HSD17B12: variants seen among roughly 807,000 people sequenced by gnomAD.
The protein encoded by HSD17B12 is hydroxysteroid 17-beta dehydrogenase 12.
In HSD17B12, 32 loss-of-function variants were observed where a neutral mutation model predicts 39.3. The ratio of observed to expected loss-of-function variants is 0.81; its 90% CI spans 0.61 to 1.09. HSD17B12 has a LOEUF of 1.09. Among genes scored for constraint, HSD17B12 ranks in the 50% least tolerant of loss-of-function variants. The probability of loss-of-function intolerance (pLI) is 0.00; values close to 1 mark genes in which losing one functional copy is unlikely to be tolerated. For missense variants in HSD17B12, 342 were observed against 382.9 expected, an observed-to-expected ratio of 0.89 and a Z score of 0.89; for synonymous variants, 150 against 146.7, an observed-to-expected ratio of 1.02 and a Z score of -0.16.
the HSD17B12 span, among the ~76,000 whole-genome samples, chr11:43,571,662 C>A: frequency 2.0e-5 from 3 of 152,070 alleles, no homozygotes; most frequent in African/African-American, 4.8e-5. Context: ...ATGTTACTTT[C>A]AGGTGAATAG....
chr11:43,746,430 G>A (rs192372221), intron 1 of HSD17B12, among the ~76,000 whole-genome samples: 1 of 151,980 alleles, frequency 6.6e-6, no homozygotes, highest in Non-Finnish European at 1.5e-5. Context: ...ACTGGCCTGG[G>A]CCTACACCAG....
At chr11:43,666,706 A>C in the HSD17B12 span, among the ~76,000 whole-genome samples, 1 of 152,250 alleles carries the variant, frequency 6.6e-6, no homozygotes, top group Non-Finnish European at 1.5e-5. Flanking sequence ...TAATAGAAGG[A>C]GGCTAGAGAC....
intron 4 of HSD17B12, among the ~76,000 whole-genome samples, chr11:43,810,694 T>C (rs2135069376): frequency 6.6e-6 from 1 of 152,192 alleles, no homozygotes; most frequent in Non-Finnish European, 1.5e-5. Flanking sequence ...CAGAAACCAA[T>C]GGGAAAGATT....
the HSD17B12 span, among the ~76,000 whole-genome samples, chr11:43,667,028 C>T: frequency 1.3e-5 from 2 of 152,242 alleles, no homozygotes; most frequent in African/African-American, 2.4e-5. Context: ...AACAAAGCCA[C>T]AGCTTCCATA....
the HSD17B12 span, among the ~76,000 whole-genome samples, chr11:43,672,801 A>C: frequency 6.6e-6 from 1 of 152,196 alleles, no homozygotes; most frequent in Non-Finnish European, 1.5e-5. Flanking sequence ...TCGGCCTCCC[A>C]AAGTGCTAGG....
chr11:43,663,113 G>C, the HSD17B12 span, among the ~76,000 whole-genome samples: 1 of 152,026 alleles, frequency 6.6e-6, no homozygotes. Context: ...ACAGAGTCTC[G>C]ATCTGCCTGC....
At chr11:43,596,325 A>G in the HSD17B12 span, among the ~76,000 whole-genome samples, 2 of 152,192 alleles carry the variant, frequency 1.3e-5, no homozygotes, top group African/African-American at 4.8e-5. Context: ...CTCACTCCAG[A>G]GATGGGTATT....
At chr11:43,632,128 G>A in the HSD17B12 span, among the ~76,000 whole-genome samples, 1 of 152,192 alleles carries the variant, frequency 6.6e-6, no homozygotes, top group African/African-American at 2.4e-5. Context: ...CCTGGTTTAC[G>A]ATTTAGGAGT....
intron 1 of HSD17B12, among the ~76,000 whole-genome samples, chr11:43,747,108 C>G (rs1039670017): frequency 6.6e-6 from 1 of 152,182 alleles, no homozygotes; most frequent in Non-Finnish European, 1.5e-5. Context: ...CTGTCCAAGT[C>G]TTGCGTGTTT....
At chr11:43,686,598 T>G (rs1206735775) in intron 1 of HSD17B12, among the ~76,000 whole-genome samples, 1 of 149,984 alleles carries the variant, frequency 6.7e-6, no homozygotes, top group Non-Finnish European at 1.5e-5. Flanking sequence ...CCACCCTGTT[T>G]TTTTTTTTTT....
intron 1 of HSD17B12, among the ~76,000 whole-genome samples, chr11:43,741,917 G>A (rs1590710577): frequency 6.7e-6 from 1 of 148,936 alleles, no homozygotes; most frequent in African/African-American, 2.5e-5. Flanking sequence ...TGTGTTTTTA[G>A]TAGAGACAGG....
At chr11:43,599,408 C>T in the HSD17B12 span, among the ~76,000 whole-genome samples, 3 of 152,120 alleles carry the variant, frequency 2.0e-5, no homozygotes, top group Non-Finnish European at 4.4e-5. Context: ...ATCCATGATT[C>T]TTTATTTCTT....
the HSD17B12 span, among the ~76,000 whole-genome samples, chr11:43,615,609 A>G: frequency 0.049 from 7,506 of 152,212 alleles, 318 homozygotes; most frequent in South Asian, 0.11. Context: ...CAGAAATGTC[A>G]AGGTGATTAT....
At position 43,821,404 on chromosome 11, in the gene HSD17B12, C is replaced by T. The variant is rs578041445; in HGVS notation, c.501+5013C>T. ...ATATGGCAGGTAGATCAGTCTCAAACTGTAAGAGAAGTCCTACCAGACAGA... is the reference window on the plus strand; with the variant it reads ...ATATGGCAGGTAGATCAGTCTCAAATTGTAAGAGAAGTCCTACCAGACAGA... On this transcript the variant is annotated intron_variant, in intron 6 of 10. Transcript: ENST00000278353. Among the ~76,000 whole-genome samples, 4 of 152,260 alleles carry T rather than the reference C, an allele frequency of 2.6e-5. No homozygotes were observed. In the East Asian group the frequency reaches 7.7e-4, roughly 29 times the overall value.
chr11:43,783,779 G>C (rs182274040), intron 3 of HSD17B12, among the ~76,000 whole-genome samples: 6 of 151,780 alleles, frequency 4.0e-5, no homozygotes, highest in African/African-American at 1.2e-4. Flanking sequence ...GTTTACATAG[G>C]ATACCACTAT....
chr11:43,635,885 G>A, the HSD17B12 span, among the ~76,000 whole-genome samples: 1 of 152,140 alleles, frequency 6.6e-6, no homozygotes. Context: ...GATAGCATTT[G>A]TTTATCACAA....
chr11:43,642,396 C>T, the HSD17B12 span, among the ~76,000 whole-genome samples: 4 of 151,478 alleles, frequency 2.6e-5, no homozygotes, highest in East Asian at 1.9e-4. Flanking sequence ...GTAATTTTTA[C>T]GTAAAGCCCT....
chr11:43,674,499 G>A, the HSD17B12 span, among the ~76,000 whole-genome samples: 6 of 152,138 alleles, frequency 3.9e-5, no homozygotes, highest in African/African-American at 1.4e-4. Context: ...TTTAAATAAC[G>A]ATTATTCTAT....
chr11:43,619,394 C>CT, the HSD17B12 span, among the ~76,000 whole-genome samples: 49,570 of 133,962 alleles, frequency 0.37, 10,397 homozygotes, highest in East Asian at 0.74. Context: ...TTTTTCTTTT[C>CT]TTTTTTTTTT....
Sources: allele counts gnomAD v4.1 joint callset (sites outside exome capture counted in the v4.1 genomes callset), GRCh38; gene constraint gnomAD v4.1.1; transcripts MANE v1.5; gene names NCBI Gene and HGNC (gene_info 2026-07-23, HGNC 2026-07-21).